The following MTSS1 variants were observed in gnomAD, a reference collection of about 807,000 sequenced individuals.
MTSS1 encodes the protein protein MTSS 1.
Under a neutral mutation model 79.0 loss-of-function variants are expected in MTSS1, and 18 were observed. That is an observed-to-expected ratio of 0.23 (90% CI 0.16 to 0.34). The LOEUF (loss-of-function observed/expected upper bound fraction) is 0.34. MTSS1 is among the 10% of genes least tolerant of loss of function. The pLI, the probability that MTSS1 is intolerant of heterozygous loss-of-function variation, is 1.00. For synonymous variants in MTSS1, 341 were observed against 368.6 expected, an observed-to-expected ratio of 0.93 and a Z score of 0.86; for missense variants, 815 against 986.2, an observed-to-expected ratio of 0.83 and a Z score of 2.33.
At chr8:124,655,319 T>C (rs1245418415) in intron 3 of MTSS1, among the ~76,000 whole-genome samples, 9 of 152,244 alleles carry the variant, frequency 5.9e-5, no homozygotes, top group Admixed American at 5.2e-4. Context: ...ATGCTGACTC[T>C]GTTGCAACAG....
chr8:124,619,768 G>A (rs2133499301), intron 3 of MTSS1, among the ~76,000 whole-genome samples: 1 of 152,210 alleles, frequency 6.6e-6, no homozygotes, highest in South Asian at 2.1e-4. Flanking sequence ...TAGGTCATGT[G>A]GCCCAACAGC....
chr8:124,697,113 T>A (rs984700646), intron 3 of MTSS1, among the ~76,000 whole-genome samples: 1 of 152,182 alleles, frequency 6.6e-6, no homozygotes, highest in Non-Finnish European at 1.5e-5. Flanking sequence ...CAGGAACTTA[T>A]GGACAATCTG....
intron 3 of MTSS1, among the ~76,000 whole-genome samples, chr8:124,639,601 T>C (rs900777839): frequency 1.3e-5 from 2 of 152,056 alleles, no homozygotes; most frequent in African/African-American, 4.8e-5. Context: ...GTAGCTGGGA[T>C]TACAGGCTGT....
At chr8:124,587,176 G>A (rs1004089816) in intron 5 of MTSS1, among the ~76,000 whole-genome samples, 2 of 152,184 alleles carry the variant, frequency 1.3e-5, no homozygotes, top group African/African-American at 4.8e-5. Flanking sequence ...GGGCCTGGCC[G>A]GATGGTTGTC....
chr8:124,644,400 T>G (rs1818634552), intron 3 of MTSS1, among the ~76,000 whole-genome samples: 1 of 152,228 alleles, frequency 6.6e-6, no homozygotes, highest in Non-Finnish European at 1.5e-5. Flanking sequence ...AATTTCTAAT[T>G]AATGAGTTTC....
intron 3 of MTSS1, among the ~76,000 whole-genome samples, chr8:124,600,422 G>A (rs745468027): frequency 2.6e-5 from 4 of 152,210 alleles, no homozygotes; most frequent in Non-Finnish European, 5.9e-5. Flanking sequence ...CGCACACAGC[G>A]GATGCTGGTG....
chr8:124,600,040 CAAAAAAAAAAA>C (rs1175089825), intron 3 of MTSS1, among the ~76,000 whole-genome samples: 1 of 89,418 alleles, frequency 1.1e-5, no homozygotes, highest in Admixed American at 1.2e-4. Flanking sequence ...GGTTGTACTA[CAAAAAAAAAAA>C]AAACAAAAAA....
chr8:124,584,675 A>G (rs748109362), intron 6 of MTSS1, among the ~76,000 whole-genome samples: 2 of 152,164 alleles, frequency 1.3e-5, no homozygotes, highest in South Asian at 4.1e-4. Context: ...TAGCATTCTC[A>G]CAAGACTTAA....
intron 1 of MTSS1, among the ~76,000 whole-genome samples, chr8:124,718,137 C>T (rs894420574): frequency 2.1e-5 from 3 of 140,572 alleles, no homozygotes; most frequent in East Asian, 1.9e-4. Context: ...TCTCATCAAG[C>T]GCTTGTGGGT....
In MTSS1 at chr8:124,727,398, G is replaced by A. The variant is rs1833874249; in HGVS notation, c.72+486C>T. On this transcript the variant is annotated intron_variant, in intron 1 of 13. Coordinates refer to ENST00000518547, the MANE Select transcript of MTSS1 (RefSeq NM_014751.6). The surrounding 1 kb of genome is among the most constrained non-coding windows in gnomAD (Gnocchi z 4.7). ...CCAAGTAGACCTGACAGCCAAGGAGGGACTGGCTTTCCCTCTCAGTCTCCT... is the reference window on the plus strand; with the variant it reads ...CCAAGTAGACCTGACAGCCAAGGAGAGACTGGCTTTCCCTCTCAGTCTCCT... Among the ~76,000 whole-genome samples the A allele has an allele frequency of 6.6e-6, 1 of 152,166 alleles. No individual in the cohort carries two copies. The highest frequency in any genetic ancestry group is 1.5e-5 in the Non-Finnish European group (1 of 68,022).
intron 3 of MTSS1, among the ~76,000 whole-genome samples, chr8:124,645,211 A>C (rs2134065785): frequency 6.6e-6 from 1 of 152,226 alleles, no homozygotes; most frequent in Non-Finnish European, 1.5e-5. Flanking sequence ...TCTACAAAAA[A>C]CAAAAACAAA....
At chr8:124,606,168 TTTG>T (rs1285672267) in intron 3 of MTSS1, among the ~76,000 whole-genome samples, 58 of 108,038 alleles carry the variant, frequency 5.4e-4, no homozygotes, top group African/African-American at 2.3e-3. Flanking sequence ...TGTTTGGTTT[TTTG>T]TTTTTTTTTT....
At chr8:124,611,357 C>G (rs373614916) in intron 3 of MTSS1, among the ~76,000 whole-genome samples, 7 of 152,282 alleles carry the variant, frequency 4.6e-5, no homozygotes, top group African/African-American at 1.7e-4. Flanking sequence ...AAGTAAATAC[C>G]TTGCCCATGT....
intron 3 of MTSS1, among the ~76,000 whole-genome samples, chr8:124,639,297 C>G (rs1817600232): frequency 6.6e-6 from 1 of 152,162 alleles, no homozygotes; most frequent in Non-Finnish European, 1.5e-5. Context: ...AAGATCACGC[C>G]ACTGCACTCT....
chr8:124,590,732 G>C (rs1303448490), intron 4 of MTSS1, among the ~76,000 whole-genome samples: 3 of 152,208 alleles, frequency 2.0e-5, no homozygotes, highest in Non-Finnish European at 4.4e-5. Context: ...CTGGCGGTGT[G>C]GAGTGGTCTG....
intron 3 of MTSS1, among the ~76,000 whole-genome samples, chr8:124,634,191 C>T (rs1253234411): frequency 1.3e-5 from 2 of 151,664 alleles, no homozygotes; most frequent in African/African-American, 4.8e-5. Context: ...GTCACTGCAG[C>T]CACAACCTCC....
chr8:124,695,252 A>T (rs1440660031), intron 3 of MTSS1, among the ~76,000 whole-genome samples: 1 of 152,300 alleles, frequency 6.6e-6, no homozygotes, highest in East Asian at 1.9e-4. Flanking sequence ...GCGACCTGCT[A>T]GCTTGAAATG....
At chr8:124,620,874 G>A (rs115546566) in intron 3 of MTSS1, among the ~76,000 whole-genome samples, 87 of 152,340 alleles carry the variant, frequency 5.7e-4, no homozygotes, top group African/African-American at 1.7e-3. Context: ...CTGATAGAGC[G>A]AATGAAACAG....
At chr8:124,664,786 C>A (rs1822752875) in intron 3 of MTSS1, among the ~76,000 whole-genome samples, 1 of 152,206 alleles carries the variant, frequency 6.6e-6, no homozygotes, top group Non-Finnish European at 1.5e-5. Context: ...CCGTCACCAC[C>A]ACCATCCTCA....
Sources: gnomAD v4.1 joint callset for allele counts (sites outside exome capture counted in the v4.1 genomes callset) on GRCh38, gnomAD v4.1.1 for gene constraint, Gnocchi (gnomAD v3.1) non-coding constraint, MANE v1.5 for transcripts, NCBI Gene and HGNC (gene_info 2026-07-23, HGNC 2026-07-21) for gene names.